NXPH1: variants seen among roughly 807,000 people sequenced by gnomAD.
The protein encoded by NXPH1 is neurexophilin-1.
Under a neutral mutation model 23.7 loss-of-function variants are expected in NXPH1, and 5 were observed. That is an observed-to-expected ratio of 0.21 (90% CI 0.11 to 0.44). The LOEUF is 0.44. Ranked by LOEUF, NXPH1 falls within the 20% of genes least tolerant of loss-of-function variation. NXPH1 has a pLI of 0.99. For missense variants in NXPH1, 324 were observed against 321.6 expected (o/e 1.01, Z -0.06); for synonymous variants, 144 against 122.2 (o/e 1.18, Z -1.18).
chr7:8,584,145 A>G (rs79715748), intron 2 of NXPH1, among the ~76,000 whole-genome samples: 30 of 152,294 alleles, frequency 2.0e-4, no homozygotes, highest in African/African-American at 7.2e-4. Context: ...TCCTAATTTT[A>G]TATACGATCA....
chr7:8,492,929 A>G (rs1031749207), intron 2 of NXPH1, among the ~76,000 whole-genome samples: 1 of 152,008 alleles, frequency 6.6e-6, no homozygotes, highest in African/African-American at 2.4e-5. Flanking sequence ...AGACAGAAAG[A>G]AAAAGAAGGA....
chr7:8,614,514 C>T lies in NXPH1; in HGVS notation c.55-136494C>T, dbSNP rs183110817. Among the ~76,000 whole-genome samples the T allele has an allele frequency of 1.4e-3, 219 of 151,750 alleles. 1 individual carries two copies. The highest frequency in any genetic ancestry group is 5.1e-3 in the African/African-American group (210 of 41,424). On this transcript the variant is annotated intron_variant, in intron 2 of 2. Transcript: ENST00000405863. The stretch of plus-strand genomic sequence containing the variant: ...CTATAGATATGGATACATATATATA[C>T]ATACACGTTTAGAAATAGACATACA...
chr7:8,523,933 G>A (rs1167327241), intron 2 of NXPH1, among the ~76,000 whole-genome samples: 8 of 152,048 alleles, frequency 5.3e-5, no homozygotes, highest in African/African-American at 1.4e-4. Flanking sequence ...AGTGTTTCTC[G>A]TGTGTCAAGG....
chr7:8,501,503 A>T (rs1435037547), intron 2 of NXPH1, among the ~76,000 whole-genome samples: 1 of 152,094 alleles, frequency 6.6e-6, no homozygotes, highest in African/African-American at 2.4e-5. Flanking sequence ...AAAAAATTTC[A>T]TAGTGATTCT....
intron 2 of NXPH1, among the ~76,000 whole-genome samples, chr7:8,569,436 T>TA (rs1363814146): frequency 3.9e-5 from 6 of 151,940 alleles, no homozygotes; most frequent in African/African-American, 1.4e-4. Flanking sequence ...TTAATTTTGT[T>TA]AAGTGTGATA....
intron 2 of NXPH1, among the ~76,000 whole-genome samples, chr7:8,556,052 T>C (rs919791622): frequency 4.0e-5 from 6 of 151,708 alleles, no homozygotes; most frequent in Non-Finnish European, 5.9e-5. Flanking sequence ...TTTTTACTCA[T>C]GCAGTTGTAT....
intron 2 of NXPH1, among the ~76,000 whole-genome samples, chr7:8,724,204 C>G (rs1780013273): frequency 6.6e-6 from 1 of 152,126 alleles, no homozygotes; most frequent in Non-Finnish European, 1.5e-5. Context: ...AGTTCCTGTC[C>G]ATCTTTTTTC....
chr7:8,604,940 G>T (rs765631030), intron 2 of NXPH1, among the ~76,000 whole-genome samples: 3 of 152,100 alleles, frequency 2.0e-5, no homozygotes, highest in African/African-American at 4.8e-5. Flanking sequence ...TATGGAAATA[G>T]TAACATGCTT....
rs115350028 is a variant in NXPH1 at position 8,644,739 on chromosome 7, T to C, written c.55-106269T>C. 8.1e-3 allele frequency among the ~76,000 whole-genome samples: 1,230 copies of C among 152,196 alleles called. 27 individuals are homozygous for C. The highest frequency in any genetic ancestry group is 0.028 in the African/African-American group (1,155 of 41,544). ...TAACCATTACCATCCAGATTAAGAA[T>C]TAGAATATGATAATGACCATTGGAT... On this transcript the variant is annotated intron_variant, in intron 2 of 2. Transcript: ENST00000405863.
chr7:8,516,046 T>C (rs956439975), intron 2 of NXPH1, among the ~76,000 whole-genome samples: 1 of 152,174 alleles, frequency 6.6e-6, no homozygotes, highest in Non-Finnish European at 1.5e-5. Flanking sequence ...TCGATTTGAT[T>C]GTTTACTCAT....
At position 8,495,123 on chromosome 7, in the gene NXPH1, A is replaced by G. The variant is rs114294817; in HGVS notation, c.54+59356A>G. 4.1e-3 allele frequency among the ~76,000 whole-genome samples: 618 copies of G among 152,076 alleles called. 4 individuals carry two copies. The highest frequency in any genetic ancestry group is 0.014 in the African/African-American group (593 of 41,506). ...TAGATAAGTAGATAGATAGGGATTT[A>G]TTTTAGGAACTGGCTCAGTGATTGG... On this transcript the variant is annotated intron_variant, in intron 2 of 2. Transcript: ENST00000405863.
chr7:8,627,555 C>T (rs764465281), intron 2 of NXPH1, among the ~76,000 whole-genome samples: 1 of 152,006 alleles, frequency 6.6e-6, no homozygotes, highest in Non-Finnish European at 1.5e-5. Context: ...GGCAGAATGC[C>T]AAGGGGCTGG....
At chr7:8,735,411 T>C (rs1041983984) in intron 2 of NXPH1, among the ~76,000 whole-genome samples, 1 of 152,228 alleles carries the variant, frequency 6.6e-6, no homozygotes, top group Non-Finnish European at 1.5e-5. Context: ...GTTTTTGTCA[T>C]TGGTTATGTT....
chr7:8,674,538 G>C (rs1386656116), intron 2 of NXPH1, among the ~76,000 whole-genome samples: 3 of 152,142 alleles, frequency 2.0e-5, no homozygotes, highest in Non-Finnish European at 2.9e-5. Context: ...CTGAATGCCT[G>C]AGTGTGGCAA....
intron 2 of NXPH1, among the ~76,000 whole-genome samples, chr7:8,716,526 A>G (rs1182559951): frequency 6.6e-6 from 1 of 152,252 alleles, no homozygotes; most frequent in Non-Finnish European, 1.5e-5. Flanking sequence ...ATCAGACAGC[A>G]ATAATTCAAA....
At chr7:8,513,087 A>T (rs1817636359) in intron 2 of NXPH1, among the ~76,000 whole-genome samples, 2 of 152,098 alleles carry the variant, frequency 1.3e-5, no homozygotes, top group South Asian at 4.1e-4. Flanking sequence ...AGAAATATGC[A>T]TGTGGAAGAC....
rs369830975 is a variant in NXPH1, at chr7:8,617,649, G to A, written c.55-133359G>A. Among the ~76,000 whole-genome samples, 6 of 152,168 alleles carry A rather than the reference G, an allele frequency of 3.9e-5. No individual in the cohort carries two copies. The East Asian group carries it at 1.2e-3, about 29-fold the overall frequency. On this transcript the variant is annotated intron_variant, in intron 2 of 2. Coordinates refer to ENST00000405863, the MANE Select transcript of NXPH1 (RefSeq NM_152745.3). Reference sequence around the variant, plus strand: ...ACATAGAGAGTAGAATGGATCAGAGGCTGGGAAAGATAGTGGGGAGATTGG... The same window carrying A: ...ACATAGAGAGTAGAATGGATCAGAGACTGGGAAAGATAGTGGGGAGATTGG...
At chr7:8,502,480 C>T (rs907746572) in intron 2 of NXPH1, among the ~76,000 whole-genome samples, 2 of 151,758 alleles carry the variant, frequency 1.3e-5, no homozygotes, top group Non-Finnish European at 2.9e-5. Flanking sequence ...TATTAATCCT[C>T]TTACATCAGT....
intron 2 of NXPH1, among the ~76,000 whole-genome samples, chr7:8,658,670 T>G (rs149198685): frequency 1.7e-3 from 256 of 152,326 alleles, no homozygotes; most frequent in Non-Finnish European, 2.9e-3. Flanking sequence ...CATATCACAG[T>G]GTATTTATAA....
Sources: gnomAD v4.1 joint callset for allele counts (sites outside exome capture counted in the v4.1 genomes callset) on GRCh38, gnomAD v4.1.1 for gene constraint, MANE v1.5 for transcripts, NCBI Gene and HGNC (gene_info 2026-07-23, HGNC 2026-07-21) for gene names.